PRKCA: variants seen among roughly 807,000 people sequenced by gnomAD.
PRKCA encodes the protein protein kinase C alpha, also known as protein kinase C alpha type.
In PRKCA, 27 loss-of-function variants were observed where a neutral mutation model predicts 87.0. That is an observed-to-expected ratio of 0.31 (90% confidence interval 0.23 to 0.43). PRKCA has a LOEUF of 0.43. Among genes scored for constraint, PRKCA ranks in the 20% least tolerant of loss-of-function variants. The pLI, the probability that PRKCA is intolerant of heterozygous loss-of-function variation, is 1.00. For missense variants in PRKCA, 518 were observed against 852.3 expected, an observed-to-expected ratio of 0.61 and a Z score of 4.88; for synonymous variants, 329 against 311.1, an observed-to-expected ratio of 1.06 and a Z score of -0.61.
At chr17:66,501,812 C>T (rs1916746337) in intron 3 of PRKCA, among the ~76,000 whole-genome samples, 2 of 152,180 alleles carry the variant, frequency 1.3e-5, no homozygotes, top group African/African-American at 4.8e-5. Context: ...AGGTAGAAGT[C>T]GAGAGTAGAG....
At chr17:66,415,000 A>G (rs544308692) in intron 2 of PRKCA, 1 of 152,086 alleles carries the variant, frequency 6.6e-6, no homozygotes, top group Non-Finnish European at 1.5e-5. Flanking sequence ...GAAGTGCGCC[A>G]ACATGATAAC....
At chr17:66,746,940 C>T (rs983378817) in intron 13 of PRKCA, among the ~76,000 whole-genome samples, 1 of 152,202 alleles carries the variant, frequency 6.6e-6, no homozygotes, top group Admixed American at 6.5e-5. Flanking sequence ...GCTCCAGACA[C>T]TAGCATTGCG....
chr17:66,503,571 A>G (rs887776184), intron 3 of PRKCA, among the ~76,000 whole-genome samples: 3 of 152,204 alleles, frequency 2.0e-5, no homozygotes, highest in African/African-American at 2.4e-5. Context: ...AACGGAACCT[A>G]TTGCACAAAT....
chr17:66,744,123 G>A (rs1019962935), intron 13 of PRKCA, among the ~76,000 whole-genome samples: 1 of 152,136 alleles, frequency 6.6e-6, no homozygotes, highest in African/African-American at 2.4e-5. Context: ...TTTCAAGACA[G>A]CGTGGACACA....
intron 8 of PRKCA, among the ~76,000 whole-genome samples, chr17:66,715,834 T>G (rs1973459682): frequency 6.6e-6 from 1 of 152,198 alleles, no homozygotes; most frequent in South Asian, 2.1e-4. Flanking sequence ...CTAGTGAATC[T>G]TAGGTGGATC....
At chr17:66,338,785 T>TC (rs1284800765) in intron 2 of PRKCA, among the ~76,000 whole-genome samples, 4 of 152,224 alleles carry the variant, frequency 2.6e-5, no homozygotes, top group African/African-American at 9.6e-5. Flanking sequence ...AATTGGCTCT[T>TC]CCTGGCAGGA....
chr17:66,659,877 G>A (rs1012018599), intron 5 of PRKCA, among the ~76,000 whole-genome samples: 1 of 152,224 alleles, frequency 6.6e-6, no homozygotes, highest in Non-Finnish European at 1.5e-5. Context: ...GGAGAATTGA[G>A]CAGCTCGTGC....
rs1975956475 is a variant in PRKCA at position 66,803,751 on chromosome 17, C to T, written c.1855-122C>T. 2 of 1,355,464 alleles carry T rather than the reference C, an allele frequency of 1.5e-6. No homozygotes were observed. Among genetic ancestry groups the T allele is most frequent in the African/African-American group, 1.5e-5 (1 of 68,344 alleles). The allele number at this position is 1,355,464 out of a possible 1,614,324, so 84.0% of individuals were successfully genotyped here. On this transcript the variant is annotated intron_variant, in intron 16 of 16. Transcript: ENST00000413366. The surrounding 1 kb of genome is among the most constrained non-coding windows in gnomAD (Gnocchi z 4.4). ...ATAGGCCTGCAAGTCCTCCGAGATT[C>T]CTCCTCCTAACCAGCCCGGAGTTCC...
chr17:66,419,822 G>A (rs59845133), intron 2 of PRKCA, among the ~76,000 whole-genome samples: 1 of 152,088 alleles, frequency 6.6e-6, no homozygotes, highest in Non-Finnish European at 1.5e-5. Flanking sequence ...GAGTCTTGGA[G>A]ATTGATGTCT....
At chr17:66,677,383 T>G (rs1195470034) in intron 5 of PRKCA, 1 of 152,338 alleles carries the variant, frequency 6.6e-6, no homozygotes, top group African/African-American at 2.4e-5. Flanking sequence ...CCTGGCCTAT[T>G]TTTTAAATAA....
intron 2 of PRKCA, among the ~76,000 whole-genome samples, chr17:66,437,735 C>CGGGG (rs1233106338): frequency 7.1e-4 from 4 of 5,596 alleles, no homozygotes; most frequent in Non-Finnish European, 1.4e-3. Context: ...TTTTTTTGAG[C>CGGGG]GGGGGGTGGG....
Position 66,809,875 on chromosome 17 carries a change from G to A in PRKCA, c.*5838G>A, listed in dbSNP as rs1311558705. 6.6e-6 allele frequency: 1 copy of A among 152,240 alleles called. No homozygotes were observed. Among genetic ancestry groups the A allele is most frequent in the Non-Finnish European group, 1.5e-5 (1 of 68,068 alleles). 9.4% of individuals were successfully genotyped at this position (152,240 alleles called of 1,614,324 possible). ...CTCTGTGGCCATCTTTTGGCAGGAGGAGGATGCTTCCTTGGCTCTGTGCCC... is the reference window on the plus strand; with the variant it reads ...CTCTGTGGCCATCTTTTGGCAGGAGAAGGATGCTTCCTTGGCTCTGTGCCC... On this transcript the variant is annotated 3_prime_UTR_variant, in exon 17 of 17. Coordinates refer to ENST00000413366, the MANE Select transcript of PRKCA (RefSeq NM_002737.3).
rs1972578578 is a variant in PRKCA at position 66,684,672 on chromosome 17, T to C, written c.530-2439T>C. ...TTCCGAAGAGATCTTACTTAAATGATTTTTTTTGTGTGTGTTGTCTGTCAG... is the reference window on the plus strand; with the variant it reads ...TTCCGAAGAGATCTTACTTAAATGACTTTTTTTGTGTGTGTTGTCTGTCAG... On this transcript the variant is annotated intron_variant, in intron 5 of 16. Coordinates refer to ENST00000413366, the MANE Select transcript of PRKCA (RefSeq NM_002737.3). Among the ~76,000 whole-genome samples the C allele has an allele frequency of 1.3e-5, 2 of 152,142 alleles. 1 individual carries two copies. Among genetic ancestry groups the C allele is most frequent in the South Asian group, 4.2e-4 (2 of 4,810 alleles).
intron 2 of PRKCA, among the ~76,000 whole-genome samples, chr17:66,433,366 C>A (rs892352910): frequency 6.6e-6 from 1 of 152,164 alleles, no homozygotes; most frequent in African/African-American, 2.4e-5. Context: ...TAAACATAGT[C>A]AAGAGCAGCC....
intron 2 of PRKCA, among the ~76,000 whole-genome samples, chr17:66,338,649 A>ATTTAGTCCTACAGACTAATT (rs1906851645): frequency 3.3e-5 from 5 of 152,200 alleles, no homozygotes; most frequent in Non-Finnish European, 7.3e-5. Context: ...AAAATTTAAA[A>ATTTAGTCCTACAGACTAATT]TACAAGTGAA....
intron 3 of PRKCA, among the ~76,000 whole-genome samples, chr17:66,506,622 A>G (rs1408285188): frequency 1.3e-5 from 2 of 152,148 alleles, no homozygotes; most frequent in Non-Finnish European, 2.9e-5. Flanking sequence ...GAACTCCCTT[A>G]ATACCCAAGA....
intron 3 of PRKCA, among the ~76,000 whole-genome samples, chr17:66,561,028 C>T (rs905968088): frequency 2.6e-5 from 4 of 152,110 alleles, no homozygotes; most frequent in South Asian, 2.1e-4. Flanking sequence ...CTGCAGCCTG[C>T]GGGGATCTGA....
At chr17:66,525,780 T>G (rs1046854354) in intron 3 of PRKCA, among the ~76,000 whole-genome samples, 11 of 152,218 alleles carry the variant, frequency 7.2e-5, no homozygotes, top group African/African-American at 2.4e-4. Flanking sequence ...AATAAACTCC[T>G]GACTTCATGA....
intron 8 of PRKCA, chr17:66,703,324 C>G (rs1202966327): frequency 1.3e-5 from 2 of 151,830 alleles, no homozygotes; most frequent in African/African-American, 2.4e-5. Context: ...TGACCCTACA[C>G]AGGTCAGGAT....
Sources: allele counts gnomAD v4.1 joint callset (sites outside exome capture counted in the v4.1 genomes callset), GRCh38; gene constraint gnomAD v4.1.1; non-coding constraint Gnocchi (gnomAD v3.1); transcripts MANE v1.5; gene names NCBI Gene and HGNC (gene_info 2026-07-23, HGNC 2026-07-21).